SLC26A8: variants seen among roughly 807,000 people sequenced by gnomAD.
SLC26A8 encodes testis anion transporter 1.
Under a neutral mutation model 105.0 loss-of-function variants are expected in SLC26A8, and 70 were observed. The observed-to-expected ratio is 0.67, with a 90% CI of 0.55 to 0.81. SLC26A8 has a LOEUF of 0.81. Ranked by LOEUF, SLC26A8 falls within the 40% of genes least tolerant of loss-of-function variation. SLC26A8 has a pLI of 0.00. For missense variants in SLC26A8, 998 were observed against 1,181.8 expected (o/e 0.84, Z 2.28); for synonymous variants, 415 against 438.3 (o/e 0.95, Z 0.66).
intron 2 of SLC26A8, among the ~76,000 whole-genome samples, chr6:36,013,345 C>G (rs574949415): frequency 1.3e-5 from 2 of 151,996 alleles, no homozygotes; most frequent in Non-Finnish European, 2.9e-5. Flanking sequence ...TACAGGCATG[C>G]GCCACCATGC....
chr6:35,968,805 G>A (rs1182520406), intron 11 of SLC26A8, 72 bp downstream of exon 11: 46 of 99,388 alleles, frequency 4.6e-4, no homozygotes, highest in Middle Eastern at 4.2e-3. Context: ...CTTACCCCCC[G>A]CACACACACA....
At chr6:35,995,374 T>C (rs80215005) in intron 5 of SLC26A8, among the ~76,000 whole-genome samples, 3,797 of 152,304 alleles carry the variant, frequency 0.025, 179 homozygotes, top group African/African-American at 0.086. Context: ...AAATGTTGAA[T>C]GAATGAAAGG....
chr6:35,954,832 C>T (rs571718628), intron 17 of SLC26A8: 2 of 289,754 alleles, frequency 6.9e-6, no homozygotes, highest in African/African-American at 4.4e-5. Context: ...GTAGTTCCAG[C>T]TATTCAGGAG....
At chr6:35,969,078 A>G (rs967112900) in intron 10 of SLC26A8, 124 bp from the exon 11 acceptor site, 1 of 766,848 alleles carries the variant, frequency 1.3e-6, no homozygotes, top group South Asian at 1.6e-5. Context: ...GTTCAGTCCA[A>G]GTGTATTTTT....
chr6:35,982,184 A>G lies in SLC26A8; in HGVS notation c.962T>C (p.Ile321Thr), dbSNP rs1395967010. 1.2e-6 allele frequency: 2 copies of G among 1,614,134 alleles called. No individual in the cohort carries two copies. The highest frequency in any genetic ancestry group is 1.7e-6 in the Non-Finnish European group (2 of 1,180,020). ...ELFLIIGFTV[I>T]ANKISMATET... ...TGTGGCCATGCTTATCTTGTTTGCA[A>G]TCACAGTGAAGCCAATAATCTGTAG... Residue 321 changes from isoleucine to threonine, a missense_variant, in exon 8 of 20, where the codon ATT becomes ACT. Coordinates refer to ENST00000490799, the MANE Select transcript of SLC26A8 (RefSeq NM_052961.4).
intron 1 of SLC26A8, among the ~76,000 whole-genome samples, chr6:36,020,060 T>C (rs1423886964): frequency 6.6e-6 from 1 of 152,208 alleles, no homozygotes; most frequent in Non-Finnish European, 1.5e-5. Context: ...CAATTTTCAC[T>C]GAAAATGCTC....
In SLC26A8 at chr6:35,993,186, T is replaced by TGGG. The variant is rs71307460; in HGVS notation, c.628-513_628-512insCCC. Among the ~76,000 whole-genome samples the TGGG allele has an allele frequency of 1.0e-3, 32 of 30,804 alleles. 1 individual carries two copies. Among genetic ancestry groups the TGGG allele is most frequent in the African/African-American group, 2.2e-3 (30 of 13,412 alleles). The allele number at this position is 30,804 out of a possible 152,430, so 20.2% of individuals were successfully genotyped here. On this transcript the variant is annotated intron_variant, in intron 5 of 19. Coordinates refer to ENST00000490799, the MANE Select transcript of SLC26A8 (RefSeq NM_052961.4). Reference sequence around the variant, plus strand: ...TTTTTTTTTTTTTTTTGATAGAGATTGGAGGGGGGGGTCTTGCTATATTAC... The same window carrying TGGG: ...TTTTTTTTTTTTTTTTGATAGAGATTGGGGGAGGGGGGGGTCTTGCTATATTAC...
intron 16 of SLC26A8, 125 bp from the exon 17 acceptor site, chr6:35,955,645 T>C: frequency 8.1e-7 from 1 of 1,239,752 alleles, no homozygotes; most frequent in Non-Finnish European, 1.1e-6. Flanking sequence ...CTCCCGAGAG[T>C]AGGTACTGTG....
chr6:35,977,221 T>G lies in SLC26A8; in HGVS notation c.1156A>C (p.Ser386Arg), dbSNP rs887972884. ...GKKIASLHNY[S>R]VNSNQDLIAI... is the part of the protein sequence containing the mutation. ...CCTCTCACCTGGTTGGAATTGACACTGTAATTGTGAAGACTGGCAATCTTC... is the reference window on the plus strand; with the variant it reads ...CCTCTCACCTGGTTGGAATTGACACGGTAATTGTGAAGACTGGCAATCTTC... Residue 386 changes from serine to arginine, a missense_variant, in exon 9 of 20, where the codon AGT (serine) becomes CGT (arginine). Physicochemically the swap from Ser to Arg is moderately radical, Grantham distance 110. Transcript: ENST00000490799. 1.2e-6 allele frequency: 2 copies of G among 1,613,878 alleles called. No homozygotes were observed. Among genetic ancestry groups the G allele is most frequent in the African/African-American group, 2.7e-5 (2 of 74,896 alleles).
chr6:36,015,106 CT>C (rs771966624), intron 2 of SLC26A8, among the ~76,000 whole-genome samples: 3,177 of 127,010 alleles, frequency 0.025, 30 homozygotes, highest in African/African-American at 0.038. Context: ...CAAAATTGTG[CT>C]TTTTTTTTTT....
intron 3 of SLC26A8, among the ~76,000 whole-genome samples, chr6:36,000,765 A>G (rs538349479): frequency 6.6e-6 from 1 of 152,326 alleles, no homozygotes; most frequent in Admixed American, 6.5e-5. Flanking sequence ...AAATTCAGTT[A>G]TGAATTTAGT....
At chr6:35,988,004 C>T (rs71569318) in intron 7 of SLC26A8, among the ~76,000 whole-genome samples, 50 of 151,286 alleles carry the variant, frequency 3.3e-4, no homozygotes, top group Non-Finnish European at 6.5e-4. Flanking sequence ...CTCCGCCTCC[C>T]GGGTTAAGTG....
At chr6:35,990,375 A>G in intron 7 of SLC26A8, 1 of 241,322 alleles carries the variant, frequency 4.1e-6, no homozygotes, top group Non-Finnish European at 8.0e-6. Context: ...TTTCTCCATG[A>G]ACATCATATG....
At chr6:36,007,565 C>T (rs1761725469) in intron 3 of SLC26A8, among the ~76,000 whole-genome samples, 1 of 152,046 alleles carries the variant, frequency 6.6e-6, no homozygotes, top group Non-Finnish European at 1.5e-5. Context: ...AAAATCTAAA[C>T]AAAAACCTTT....
chr6:35,962,869 T>A (rs1210481612), intron 11 of SLC26A8, among the ~76,000 whole-genome samples: 5 of 152,190 alleles, frequency 3.3e-5, no homozygotes, highest in Non-Finnish European at 7.4e-5. Flanking sequence ...TGGCGTGCTA[T>A]CATAGCTCAT....
At position 35,975,514 on chromosome 6, in the gene SLC26A8, G is replaced by A. The variant is rs764097982; in HGVS notation, c.1174-26C>T. The A allele has an allele frequency of 9.6e-6, 14 of 1,457,542 alleles. 1 individual carries two copies. Among genetic ancestry groups the A allele is most frequent in the South Asian group, 3.6e-5 (3 of 84,106 alleles). The allele number at this position is 1,457,542 out of a possible 1,614,324, so 90.3% of individuals were successfully genotyped here. ...CTGTAAAGAAACAGCAGATGCTTTA[G>A]GCCCCCGTTTTTGTTGAAGAATGCT... is the stretch of plus-strand genomic sequence containing the variant. On this transcript the variant is annotated intron_variant, in intron 9 of 19. Transcript: ENST00000490799.
At chr6:35,972,280 C>T (rs911364822) in intron 10 of SLC26A8, among the ~76,000 whole-genome samples, 3 of 151,998 alleles carry the variant, frequency 2.0e-5, no homozygotes, top group Non-Finnish European at 4.4e-5. Context: ...TCAAGAGCCC[C>T]CAGCGGGTTG....
At chr6:36,023,255 A>T (rs626386) in intron 1 of SLC26A8, among the ~76,000 whole-genome samples, 6,965 of 151,934 alleles carry the variant, frequency 0.046, 387 homozygotes, top group African/African-American at 0.13. Context: ...TTTAAAAGTA[A>T]AGAATAGGCC....
At chr6:35,968,618 T>C (rs1480722551) in intron 11 of SLC26A8, among the ~76,000 whole-genome samples, 1 of 68,910 alleles carries the variant, frequency 1.5e-5, no homozygotes, top group African/African-American at 1.3e-4. Flanking sequence ...TGTATATATA[T>C]ATATATATAT....
Sources: allele counts gnomAD v4.1 joint callset (sites outside exome capture counted in the v4.1 genomes callset), GRCh38; gene constraint gnomAD v4.1.1; transcripts MANE v1.5; gene names NCBI Gene and HGNC (gene_info 2026-07-23, HGNC 2026-07-21).